SPG11: variants seen among roughly 807,000 people sequenced by gnomAD.
The protein encoded by SPG11 is spatacsin.
In SPG11, 222 loss-of-function variants were observed where a neutral mutation model predicts 274.0. The ratio of observed to expected loss-of-function variants is 0.81; its 90% CI spans 0.73 to 0.91. SPG11 has a LOEUF of 0.91. Among genes scored for constraint, SPG11 ranks in the 40% least tolerant of loss-of-function variants. The probability of loss-of-function intolerance (pLI) is 0.00; values close to 1 mark genes in which losing one functional copy is unlikely to be tolerated. For missense variants in SPG11, 3,114 were observed against 2,872.7 expected (o/e 1.08, Z -1.92); for synonymous variants, 1,144 against 1,039.7 (o/e 1.10, Z -1.93).
In SPG11 at chr15:44,567,585, G is replaced by A. The variant is rs748671132; in HGVS notation, c.6593C>T (p.Thr2198Ile). The A allele has an allele frequency of 6.2e-7, 1 of 1,614,002 alleles. No individual in the cohort carries two copies. The highest frequency in any genetic ancestry group is 8.5e-7 in the Non-Finnish European group (1 of 1,179,970). ...LMRKKLDPSG[T>I]LKTALLDYIK... Reference sequence around the variant, plus strand: ...GTAGTCCAGCAGGGCTGTTTTCAGGGTACCACTCTGCCCAGAATAAAAGGG... The same window carrying A: ...GTAGTCCAGCAGGGCTGTTTTCAGGATACCACTCTGCCCAGAATAAAAGGG... The change falls in exon 36 of 40, where the codon ACC becomes ATC. Residue 2198 changes from threonine to isoleucine, a missense_variant. Physicochemically the swap from Thr to Ile is moderately conservative, Grantham distance 89. Coordinates refer to ENST00000261866, the MANE Select transcript of SPG11 (RefSeq NM_025137.4).
At chr15:44,605,616 CA>C (rs1235485490) in intron 20 of SPG11, among the ~76,000 whole-genome samples, 1 of 152,120 alleles carries the variant, frequency 6.6e-6, no homozygotes, top group Non-Finnish European at 1.5e-5. Flanking sequence ...GTTCGGTGGT[CA>C]CTGTGATTAA....
At chr15:44,619,069 T>C (rs1219765391) in intron 15 of SPG11, among the ~76,000 whole-genome samples, 1 of 152,184 alleles carries the variant, frequency 6.6e-6, no homozygotes, top group African/African-American at 2.4e-5. Flanking sequence ...TAATATTTAC[T>C]AGTAGTAAAC....
intron 7 of SPG11, among the ~76,000 whole-genome samples, chr15:44,644,747 T>TA (rs1001476118): frequency 1.3e-4 from 19 of 150,942 alleles, no homozygotes; most frequent in Non-Finnish European, 2.2e-4. Context: ...AAAATCAATG[T>TA]AAAAAAAAAG....
chr15:44,643,546 A>G (rs2084517596), intron 7 of SPG11, among the ~76,000 whole-genome samples: 1 of 152,212 alleles, frequency 6.6e-6, no homozygotes, highest in Non-Finnish European at 1.5e-5. Context: ...TAACGTGCAT[A>G]ATAAACCTAA....
chr15:44,645,146 A>C (rs138761696), intron 7 of SPG11, among the ~76,000 whole-genome samples: 68 of 152,256 alleles, frequency 4.5e-4, no homozygotes, highest in African/African-American at 1.6e-3. Context: ...AAAGCTGGAG[A>C]CATCATCACT....
chr15:44,563,192 A>G lies in SPG11; in HGVS notation c.7261T>C (p.Tyr2421His), dbSNP rs1341333822. The G allele has an allele frequency of 1.9e-6, 3 of 1,614,224 alleles. No homozygotes were observed. Among genetic ancestry groups the G allele is most frequent in the African/African-American group, 1.3e-5 (1 of 75,072 alleles). ...YYKLAYEHKF[Y>H]EIVNVLLKDP... is the part of the protein sequence containing the mutation. ...TTCAGAAGCACATTTACAATTTCAT[A>G]AAACTTGTGTTCGTATGCCAACTTG... The change falls in exon 40 of 40, where the codon TAT (tyrosine) becomes CAT (histidine). Residue 2421 changes from tyrosine (Y) to histidine (H), a missense_variant. Transcript: ENST00000261866.
At chr15:44,612,467 T>G (rs1442202355) in intron 17 of SPG11, among the ~76,000 whole-genome samples, 1 of 152,118 alleles carries the variant, frequency 6.6e-6, no homozygotes, top group African/African-American at 2.4e-5. Context: ...TAGGCTGGAG[T>G]GCAGTGACAC....
At chr15:44,620,069 A>G (rs2083698078) in intron 15 of SPG11, 121 bp downstream of exon 15, 3 of 826,850 alleles carry the variant, frequency 3.6e-6, no homozygotes, top group East Asian at 2.6e-5. Flanking sequence ...TAAATTTTAT[A>G]GTAATATGAA....
chr15:44,658,322 C>T (rs1484295070), intron 3 of SPG11, among the ~76,000 whole-genome samples: 1 of 152,106 alleles, frequency 6.6e-6, no homozygotes, highest in Non-Finnish European at 1.5e-5. Context: ...AACAGATCTA[C>T]TGGAGACAAA....
chr15:44,626,284 A>G, intron 11 of SPG11, 47 bp downstream of exon 11: 2 of 1,485,774 alleles, frequency 1.3e-6, no homozygotes, highest in African/African-American at 1.4e-5. Flanking sequence ...TAATAACTAG[A>G]AATTATATTA....
chr15:44,616,037 A>T (rs1163337187), intron 15 of SPG11, among the ~76,000 whole-genome samples: 1 of 152,120 alleles, frequency 6.6e-6, no homozygotes, highest in African/African-American at 2.4e-5. Context: ...ATATATACCA[A>T]AGGAGTAAAG....
Position 44,584,829 on chromosome 15 carries a change from A to G in SPG11, c.5122-271T>C, listed in dbSNP as rs142243845. On this transcript the variant is annotated intron_variant, in intron 29 of 39. Transcript: ENST00000261866. ...TTTTTTGTAGAGACAGGGTCTCCCT[A>G]TGTTGCCCAGGCTGGTCTTAAACTC... Among the ~76,000 whole-genome samples the G allele has an allele frequency of 3.9e-3, 592 of 152,156 alleles. 5 individuals carry two copies. Among genetic ancestry groups the G allele is most frequent in the African/African-American group, 0.013 (551 of 41,524 alleles).
At chr15:44,618,758 T>C (rs1041352520) in intron 15 of SPG11, among the ~76,000 whole-genome samples, 1 of 151,498 alleles carries the variant, frequency 6.6e-6, no homozygotes, top group Non-Finnish European at 1.5e-5. Context: ...AGGCAGAGCT[T>C]GTAGTGAGCC....
intron 7 of SPG11, among the ~76,000 whole-genome samples, chr15:44,641,922 G>GAAAA (rs71111874): frequency 1.8e-4 from 10 of 55,912 alleles, no homozygotes; most frequent in Non-Finnish European, 2.3e-4. Flanking sequence ...CTGCTTAACA[G>GAAAA]AAAAAAAAAA....
At chr15:44,589,509 C>G (rs2082850141) in intron 27 of SPG11, 95 bp from the exon 28 acceptor site, 1 of 1,452,044 alleles carries the variant, frequency 6.9e-7, no homozygotes. Context: ...AGCTAAAATT[C>G]CCTCAAAAGC....
chr15:44,565,593 C>T (rs2082290832), intron 38 of SPG11, among the ~76,000 whole-genome samples: 1 of 152,164 alleles, frequency 6.6e-6, no homozygotes, highest in Non-Finnish European at 1.5e-5. Context: ...GTTAAAGGGC[C>T]AAAGGTGTCT....
At chr15:44,636,933 AAAAAAAAAAAAAAAAAAAAAAAAAC>A (rs1451784719) in intron 7 of SPG11, among the ~76,000 whole-genome samples, 70 of 120,868 alleles carry the variant, frequency 5.8e-4, no homozygotes, top group Middle Eastern at 4.1e-3. Flanking sequence ...CTCAAAAAAA[AAAAAAAAAAAAAAAAAAAAAAAAAC>A]AAAAAAAAAA....
intron 16 of SPG11, 120 bp downstream of exon 16, chr15:44,615,243 A>C: frequency 1.0e-6 from 1 of 991,900 alleles, no homozygotes; most frequent in South Asian, 1.3e-5. Context: ...AAACTACCTC[A>C]AAAAGATCAG....
rs916464520 is a variant in SPG11, at chr15:44,598,259, A to G, written c.4001+6T>C. The G allele has an allele frequency of 6.2e-7, 1 of 1,607,422 alleles. No homozygotes were observed. Among genetic ancestry groups the G allele is most frequent in the African/African-American group, 1.3e-5 (1 of 74,864 alleles). On this transcript the variant is annotated splice_donor_region_variant and intron_variant, in intron 23 of 39. Coordinates refer to ENST00000261866, the MANE Select transcript of SPG11 (RefSeq NM_025137.4). ...AGAAAAGAGGCTGAGACTGCAACTC[A>G]CAAACCTCTTTATTTCCTGTTGCTG... is the stretch of plus-strand genomic sequence containing the variant.
Sources: gnomAD v4.1 joint callset for allele counts (sites outside exome capture counted in the v4.1 genomes callset) on GRCh38, gnomAD v4.1.1 for gene constraint, MANE v1.5 for transcripts, NCBI Gene and HGNC (gene_info 2026-07-23, HGNC 2026-07-21) for gene names.